The following SHTN1 variants were observed in gnomAD, a reference collection of about 807,000 sequenced individuals.
SHTN1 encodes shootin 1.
SHTN1 carries 42 observed loss-of-function variants against 83.1 expected under a neutral mutation model. The observed-to-expected ratio is 0.51, with a 90% confidence interval of 0.39 to 0.65. The LOEUF (loss-of-function observed/expected upper bound fraction) is 0.65. Ranked by LOEUF, SHTN1 falls within the 30% of genes least tolerant of loss-of-function variation. The probability of loss-of-function intolerance (pLI) is 0.00; values close to 1 mark genes in which losing one functional copy is unlikely to be tolerated. For synonymous variants in SHTN1, 224 were observed against 247.7 expected, an observed-to-expected ratio of 0.90 and a Z score of 0.90; for missense variants, 622 against 737.8, an observed-to-expected ratio of 0.84 and a Z score of 1.82.
At chr10:117,044,500 C>G (rs1326475052) in intron 2 of SHTN1, among the ~76,000 whole-genome samples, 7 of 152,104 alleles carry the variant, frequency 4.6e-5, no homozygotes, top group Non-Finnish European at 1.0e-4. Context: ...TGTCCAATTT[C>G]TTTCTCAAAA....
At chr10:117,118,785 G>A (rs1462435136) in intron 1 of SHTN1, among the ~76,000 whole-genome samples, 1 of 152,156 alleles carries the variant, frequency 6.6e-6, no homozygotes, top group Non-Finnish European at 1.5e-5. Flanking sequence ...TGGAGGATGG[G>A]TCTGGGAGGA....
chr10:116,987,061 GA>G (rs750681092), intron 1 of SHTN1, among the ~76,000 whole-genome samples: 1 of 152,030 alleles, frequency 6.6e-6, no homozygotes, highest in Non-Finnish European at 1.5e-5. Context: ...TAGCCTCTAT[GA>G]AATATGCCCA....
chr10:117,122,554 C>T (rs1159875653), intron 1 of SHTN1, among the ~76,000 whole-genome samples: 1 of 152,188 alleles, frequency 6.6e-6, no homozygotes, highest in African/African-American at 2.4e-5. Context: ...CATCAGTAAT[C>T]ATCAGGGAAA....
intron 1 of SHTN1, among the ~76,000 whole-genome samples, chr10:117,078,231 G>A (rs1240166559): frequency 2.0e-5 from 3 of 152,146 alleles, no homozygotes; most frequent in Non-Finnish European, 2.9e-5. Context: ...TGGCTCTACC[G>A]GTATGACTCT....
chr10:117,015,543 C>A (rs1852169440), intron 2 of SHTN1, among the ~76,000 whole-genome samples: 2 of 152,128 alleles, frequency 1.3e-5, no homozygotes, highest in Non-Finnish European at 1.5e-5. Context: ...GTTGGTCAGG[C>A]TGGTCTCGAA....
chr10:117,064,653 T>C (rs1465820886), intron 1 of SHTN1, among the ~76,000 whole-genome samples: 1 of 57,672 alleles, frequency 1.7e-5, no homozygotes. Flanking sequence ...AGACTTTGTC[T>C]CAAAAAAAAA....
intron 1 of SHTN1, among the ~76,000 whole-genome samples, chr10:117,119,114 G>A (rs1185021012): frequency 6.6e-6 from 1 of 152,200 alleles, no homozygotes; most frequent in Non-Finnish European, 1.5e-5. Context: ...TCATTCAAAT[G>A]TGGAATCTAA....
intron 7 of SHTN1, among the ~76,000 whole-genome samples, chr10:116,948,483 C>T (rs772764128): frequency 6.6e-6 from 1 of 152,214 alleles, no homozygotes; most frequent in Non-Finnish European, 1.5e-5. Flanking sequence ...CTAACTCTTA[C>T]TTTCCTTTAT....
At chr10:116,909,993 T>C (rs1167301891) in intron 14 of SHTN1, among the ~76,000 whole-genome samples, 1 of 152,180 alleles carries the variant, frequency 6.6e-6, no homozygotes, top group African/African-American at 2.4e-5. Context: ...GTTGGGACCA[T>C]GTGCTTTACA....
intron 16 of SHTN1, among the ~76,000 whole-genome samples, chr10:116,899,599 G>A (rs558066619): frequency 3.3e-5 from 5 of 151,372 alleles, no homozygotes; most frequent in African/African-American, 4.9e-5. Flanking sequence ...ATTTAGAGCC[G>A]ACTGTCATTG....
At chr10:116,940,369 T>A in intron 9 of SHTN1, 97 bp downstream of exon 9, 1 of 1,258,436 alleles carries the variant, frequency 7.9e-7, no homozygotes, top group Non-Finnish European at 1.1e-6. Context: ...AAACAGTAAA[T>A]GACTGGACTG....
intron 16 of SHTN1, chr10:116,900,195 G>A (rs917939267): frequency 1.3e-5 from 3 of 222,380 alleles, no homozygotes; most frequent in East Asian, 9.0e-5. Flanking sequence ...GTCAAGAACC[G>A]AATAATCGAG....
At chr10:117,047,029 A>G (rs918161894) in intron 2 of SHTN1, among the ~76,000 whole-genome samples, 32 of 152,154 alleles carry the variant, frequency 2.1e-4, no homozygotes, top group Admixed American at 2.0e-4. Context: ...TGAAAAAACA[A>G]AAGAGTGAAT....
At chr10:116,957,081 AC>A (rs1850009894) in intron 4 of SHTN1, among the ~76,000 whole-genome samples, 1 of 151,176 alleles carries the variant, frequency 6.6e-6, no homozygotes, top group African/African-American at 2.4e-5. Context: ...GAGCCACCAC[AC>A]CCGGCCTAGA....
At chr10:116,891,045 G>C (rs1333633918) in intron 16 of SHTN1, among the ~76,000 whole-genome samples, 1 of 152,160 alleles carries the variant, frequency 6.6e-6, no homozygotes, top group African/African-American at 2.4e-5. Flanking sequence ...TAATAGACGT[G>C]GTTCTGAGCT....
chr10:116,898,282 C>T (rs376789204), intron 16 of SHTN1, among the ~76,000 whole-genome samples: 34 of 151,166 alleles, frequency 2.2e-4, no homozygotes, highest in African/African-American at 7.8e-4. Context: ...GAGCTAAGAT[C>T]GTGCCATTGT....
chr10:117,048,480 A>C (rs1273125050), exon 2 of SHTN1: 3 of 985,394 alleles, frequency 3.0e-6, no homozygotes, highest in South Asian at 4.7e-5. Context: ...AATCTGGAAA[A>C]TGAAGGCAGA....
At chr10:117,095,497 G>C (rs1370893713) in intron 1 of SHTN1, among the ~76,000 whole-genome samples, 1 of 152,150 alleles carries the variant, frequency 6.6e-6, no homozygotes, top group East Asian at 1.9e-4. Flanking sequence ...AGAATCTAGA[G>C]TTATGTATAA....
At chr10:117,038,342 G>A (rs1852531569) in intron 2 of SHTN1, among the ~76,000 whole-genome samples, 1 of 148,944 alleles carries the variant, frequency 6.7e-6, no homozygotes, top group Non-Finnish European at 1.5e-5. Context: ...GTCTCACTAT[G>A]TTGCCCAGGC....
Sources: allele counts gnomAD v4.1 joint callset (sites outside exome capture counted in the v4.1 genomes callset), GRCh38; gene constraint gnomAD v4.1.1; transcripts MANE v1.5; gene names NCBI Gene and HGNC (gene_info 2026-07-23, HGNC 2026-07-21).